ACTA2: variants seen among roughly 807,000 people sequenced by gnomAD.
ACTA2 encodes the protein actin alpha 2, smooth muscle, also known as actin, aortic smooth muscle.
ACTA2 carries 12 observed loss-of-function variants against 39.5 expected under a neutral mutation model. That is an observed-to-expected ratio of 0.30 (90% CI 0.19 to 0.49). The LOEUF (loss-of-function observed/expected upper bound fraction) is 0.49. ACTA2 is among the 20% of genes least tolerant of loss of function. The pLI is 0.99. For missense variants in ACTA2, 236 were observed against 498.8 expected (o/e 0.47, Z 5.02); for synonymous variants, 158 against 180.6 (o/e 0.88, Z 1.00).
upstream of ACTA2, among the ~76,000 whole-genome samples, chr10:88,957,389 A>C (rs1286888955): frequency 6.6e-6 from 1 of 152,232 alleles, no homozygotes; most frequent in Non-Finnish European, 1.5e-5. Context: ...ACCAAAGATA[A>C]CTTGAGAAAT....
intron 8 of ACTA2, among the ~76,000 whole-genome samples, chr10:88,937,172 A>G (rs928338946): frequency 1.4e-5 from 2 of 146,162 alleles, no homozygotes; most frequent in Non-Finnish European, 3.0e-5. Flanking sequence ...GACTAGCCAG[A>G]GCCTATCATG....
intron 1 of ACTA2, among the ~76,000 whole-genome samples, chr10:88,966,520 T>C (rs893192443): frequency 4.6e-5 from 7 of 152,176 alleles, no homozygotes; most frequent in African/African-American, 1.7e-4. Context: ...AAAATATAAA[T>C]AGGCAGTATA....
chr10:88,952,943 T>C (rs1296223405), upstream of ACTA2, among the ~76,000 whole-genome samples: 1 of 152,270 alleles, frequency 6.6e-6, no homozygotes, highest in Non-Finnish European at 1.5e-5. Flanking sequence ...CCTGGGTCTC[T>C]TCCACTGCAT....
intron 2 of ACTA2, among the ~76,000 whole-genome samples, chr10:88,947,841 T>G (rs939566203): frequency 9.2e-5 from 14 of 152,208 alleles, no homozygotes; most frequent in African/African-American, 3.4e-4. Context: ...CAAAAGAATA[T>G]GAGCATTATT....
chr10:88,945,615 TTAAG>T lies in ACTA2; in HGVS notation c.258+1639_258+1642del, dbSNP rs954054009. ...GCTCTTCTTCTCATTAGCTCTTTTATTAAGTGTCTGGGAGATAAGGCCTCATGTA... is the reference window on the plus strand; with the variant it reads ...GCTCTTCTTCTCATTAGCTCTTTTATTGTCTGGGAGATAAGGCCTCATGTA... On this transcript the variant is annotated intron_variant, in intron 3 of 8. Coordinates refer to ENST00000224784, the MANE Select transcript of ACTA2 (RefSeq NM_001613.4). Among the ~76,000 whole-genome samples the T allele has an allele frequency of 7.2e-5, 11 of 152,344 alleles. No homozygotes were observed. In the East Asian group the frequency reaches 2.1e-3, roughly 29 times the overall value.
intron 6 of ACTA2, chr10:88,940,909 C>T: frequency 2.8e-6 from 1 of 359,356 alleles, no homozygotes; most frequent in Non-Finnish European, 5.5e-6. Flanking sequence ...ATGTCTCCTG[C>T]CAATCACCAC....
At chr10:88,947,115 T>C (rs941083249) in intron 3 of ACTA2, 143 bp downstream of exon 3, 9 of 1,234,320 alleles carry the variant, frequency 7.3e-6, no homozygotes, top group Non-Finnish European at 8.0e-6. Flanking sequence ...CAATGGGTAA[T>C]AACCCAGAAT....
In ACTA2 at chr10:88,938,076, G is replaced by T; in HGVS notation, c.975C>A (p.Ser325Arg). Residue 325 changes from serine to arginine, a missense_variant, in exon 8 of 9, where the codon AGC (serine) becomes AGA (arginine). By Grantham distance (110) the Ser-to-Arg change is moderately radical (BLOSUM62 -1). Coordinates refer to ENST00000224784, the MANE Select transcript of ACTA2 (RefSeq NM_001613.4). ...MQKEITALAP[S>R]TMKIKIIAPP... Reference sequence around the variant, plus strand: ...TGAACAGTACCTTGATCTTCATGGTGCTGGGTGCTAGGGCCGTGATCTCCT... The same window carrying T: ...TGAACAGTACCTTGATCTTCATGGTTCTGGGTGCTAGGGCCGTGATCTCCT... 3 of 1,613,986 alleles carry T rather than the reference G, an allele frequency of 1.9e-6. No individual in the cohort carries two copies. The highest frequency in any genetic ancestry group is 2.5e-6 in the Non-Finnish European group (3 of 1,179,914).
At chr10:88,973,137 G>C (rs749163882) in intron 1 of ACTA2, 4 of 1,534,164 alleles carry the variant, frequency 2.6e-6, no homozygotes, top group Non-Finnish European at 3.5e-6. Flanking sequence ...CCTGGGCCTT[G>C]CCTCCCAATC....
intron 1 of ACTA2, among the ~76,000 whole-genome samples, chr10:88,985,532 C>A (rs1250814505): frequency 1.3e-5 from 2 of 152,210 alleles, no homozygotes; most frequent in East Asian, 3.8e-4. Flanking sequence ...ATTCCACATT[C>A]TCTTTCTATC....
chr10:88,965,006 T>G (rs1846295884), intron 1 of ACTA2, among the ~76,000 whole-genome samples: 2 of 152,282 alleles, frequency 1.3e-5, no homozygotes, highest in Non-Finnish European at 2.9e-5. Flanking sequence ...GCCCTGTGTA[T>G]TCTATTTCCA....
At chr10:88,941,131 A>G (rs1845839811) in intron 6 of ACTA2, 98 bp downstream of exon 6, 1 of 1,529,564 alleles carries the variant, frequency 6.5e-7, no homozygotes, top group Non-Finnish European at 9.0e-7. Flanking sequence ...CCATTTGCAA[A>G]ACTTCATCCC....
chr10:88,952,442 G>T (rs1220773155), intron 1 of ACTA2, among the ~76,000 whole-genome samples: 1 of 152,178 alleles, frequency 6.6e-6, no homozygotes, highest in African/African-American at 2.4e-5. Flanking sequence ...GTATTGTGCT[G>T]CAAGATCTGG....
chr10:88,978,589 A>G lies in ACTA2; in HGVS notation c.-24+12350T>C, dbSNP rs78654817. On this transcript the variant is annotated intron_variant, in intron 1 of 4. Coordinates refer to the ACTA2 transcript ENST00000415557. ...AAAGATTCTGTTCTATTGAAAGCCA[A>G]TCTCAATGGAAAGAAGTGACAACCA... 2.9e-3 allele frequency among the ~76,000 whole-genome samples: 434 copies of G among 152,276 alleles called. 3 individuals are homozygous for G. Among genetic ancestry groups the G allele is most frequent in the African/African-American group, 0.01 (417 of 41,554 alleles).
At chr10:88,988,155 C>A (rs904525874) in intron 1 of ACTA2, among the ~76,000 whole-genome samples, 4 of 152,096 alleles carry the variant, frequency 2.6e-5, no homozygotes, top group African/African-American at 9.7e-5. Context: ...CTAGAGAACC[C>A]TGACTAAAAG....
At chr10:88,951,285 C>G (rs1846044945) in intron 1 of ACTA2, among the ~76,000 whole-genome samples, 1 of 152,190 alleles carries the variant, frequency 6.6e-6, no homozygotes, top group Non-Finnish European at 1.5e-5. Context: ...AGTGCATTTT[C>G]CAAACCAAAA....
At chr10:88,945,477 T>G (rs1459750554) in intron 3 of ACTA2, among the ~76,000 whole-genome samples, 3 of 152,226 alleles carry the variant, frequency 2.0e-5, no homozygotes, top group African/African-American at 7.2e-5. Flanking sequence ...TTCTGATATA[T>G]CTTGCTGCAT....
chr10:88,969,098 CTTATT>C (rs964154496), intron 1 of ACTA2, among the ~76,000 whole-genome samples: 3 of 151,942 alleles, frequency 2.0e-5, no homozygotes, highest in African/African-American at 7.3e-5. Flanking sequence ...TTTTTTCTCT[CTTATT>C]AAATAATACT....
intron 7 of ACTA2, 104 bp from the exon 8 acceptor site, chr10:88,938,346 G>A: frequency 7.8e-7 from 1 of 1,285,518 alleles, no homozygotes; most frequent in Non-Finnish European, 1.1e-6. Context: ...GTGGACTGAG[G>A]CTGGGAAGAC....
Sources: gnomAD v4.1 joint callset for allele counts (sites outside exome capture counted in the v4.1 genomes callset) on GRCh38, gnomAD v4.1.1 for gene constraint, MANE v1.5 for transcripts, NCBI Gene and HGNC (gene_info 2026-07-23, HGNC 2026-07-21) for gene names.